Variants in ANXA10 observed in about 807,000 individuals in gnomAD.
ANXA10 encodes annexin 14.
Under a neutral mutation model 53.5 loss-of-function variants are expected in ANXA10, and 49 were observed. The ratio of observed to expected loss-of-function variants is 0.92; its 90% CI spans 0.73 to 1.16. The LOEUF (loss-of-function observed/expected upper bound fraction) is 1.16, where lower values mean the gene tolerates loss of function less well. Among genes scored for constraint, ANXA10 ranks in the 50% most tolerant of loss-of-function variants. The pLI, the probability that ANXA10 is intolerant of heterozygous loss-of-function variation, is 0.00. For missense variants in ANXA10, 393 were observed against 394.4 expected (o/e 1.00, Z 0.03); for synonymous variants, 131 against 128.9 (o/e 1.02, Z -0.11).
chr4:168,180,999 T>C (rs1431992137), intron 9 of ANXA10, among the ~76,000 whole-genome samples: 1 of 152,140 alleles, frequency 6.6e-6, no homozygotes. Flanking sequence ...TTACTAAAAA[T>C]AGCATTCAAA....
chr4:168,165,389 C>CAAAAAAAAA (rs33925175), intron 6 of ANXA10, 63 bp downstream of exon 6: 1 of 378,318 alleles, frequency 2.6e-6, no homozygotes, highest in Admixed American at 5.6e-5. Flanking sequence ...ATGTCATTGC[C>CAAAAAAAAA]AAAAAAAAAA....
chr4:168,162,576 G>C lies in ANXA10; in HGVS notation c.244G>C (p.Val82Leu), dbSNP rs770153355. The C allele has an allele frequency of 7.4e-6, 12 of 1,613,960 alleles. No individual in the cohort carries two copies. Among genetic ancestry groups the C allele is most frequent in the Non-Finnish European group, 9.3e-6 (11 of 1,179,902 alleles). ...REQLSDHFKD[V>L]MAGLMYPPPL... ...GCAGCTTTCGGATCACTTCAAAGAT[G>C]TGATGGCTGGCCTCATGTACCCACC... Residue 82 changes from valine (V) to leucine (L), a missense_variant, in exon 4 of 12, where the codon GTG becomes CTG. Physicochemically the swap from Val to Leu is conservative, Grantham distance 32. Transcript: ENST00000359299.
chr4:168,126,956 A>G (rs1731079311), intron 1 of ANXA10, among the ~76,000 whole-genome samples: 1 of 152,094 alleles, frequency 6.6e-6, no homozygotes, highest in African/African-American at 2.4e-5. Flanking sequence ...TAGTATATTT[A>G]TATTCATTTA....
chr4:168,129,336 C>G (rs1214187998), intron 2 of ANXA10, among the ~76,000 whole-genome samples: 2 of 152,150 alleles, frequency 1.3e-5, no homozygotes, highest in African/African-American at 4.8e-5. Context: ...CAAGTTAACA[C>G]AAAGTTATGA....
intron 3 of ANXA10, among the ~76,000 whole-genome samples, chr4:168,155,842 T>TG (rs1731632365): frequency 2.3e-4 from 1 of 4,332 alleles, no homozygotes; most frequent in East Asian, 9.1e-3. Context: ...ATATCATATA[T>TG]AATATAATAT....
At chr4:168,175,869 T>A (rs967939665) in intron 6 of ANXA10, among the ~76,000 whole-genome samples, 15 of 152,234 alleles carry the variant, frequency 9.9e-5, no homozygotes, top group African/African-American at 3.6e-4. Context: ...CTTACTTATT[T>A]CTTTGTGAAT....
rs1731415465 is a variant in ANXA10 at position 168,146,899 on chromosome 4, T to C, written c.195+7319T>C. ...TCAGAGCTATAATAGCCTTGATTTC[T>C]GCCCATGGGGCAATAATCATTCTTT... On this transcript the variant is annotated intron_variant, in intron 3 of 11. Coordinates refer to ENST00000359299, the MANE Select transcript of ANXA10 (RefSeq NM_007193.5). Among the ~76,000 whole-genome samples, 2 of 152,252 alleles carry C rather than the reference T, an allele frequency of 1.3e-5. 1 individual carries two copies. Among genetic ancestry groups the C allele is most frequent in the South Asian group, 4.1e-4 (2 of 4,838 alleles).
rs567458451 is a variant in ANXA10 at position 168,143,366 on chromosome 4, G to A, written c.195+3786G>A. On this transcript the variant is annotated intron_variant, in intron 3 of 11. Transcript: ENST00000359299. ...TGACAGAATCATTTTCTTAGCTGCT[G>A]AGTGAAGTACAATTCTCAGCAGGCT... 3.3e-5 allele frequency among the ~76,000 whole-genome samples: 5 copies of A among 152,326 alleles called. No homozygotes were observed. The South Asian group carries it at 1.0e-3, about 32-fold the overall frequency.
At position 168,181,661 on chromosome 4, in the gene ANXA10, TTC is replaced by T; in HGVS notation, c.725-14_725-13del. Reference sequence around the variant, plus strand: ...ATGTTTTCACTCTCAATGTTTCTTCTTCTCTCTCTGATTTCTCCTAGTTCTCT... The same window carrying T: ...ATGTTTTCACTCTCAATGTTTCTTCTTCTCTCTGATTTCTCCTAGTTCTCT... On this transcript the variant is annotated intron_variant, in intron 9 of 11. Coordinates refer to ENST00000359299, the MANE Select transcript of ANXA10 (RefSeq NM_007193.5). The T allele has an allele frequency of 1.3e-6, 2 of 1,582,150 alleles. No homozygotes were observed. Among genetic ancestry groups the T allele is most frequent in the Non-Finnish European group, 1.7e-6 (2 of 1,153,886 alleles).
At chr4:168,174,618 A>G (rs1732082518) in intron 6 of ANXA10, among the ~76,000 whole-genome samples, 1 of 152,242 alleles carries the variant, frequency 6.6e-6, no homozygotes, top group African/African-American at 2.4e-5. Flanking sequence ...TGCCAGCCAC[A>G]GAGGTCTCCA....
chr4:168,137,032 T>A (rs1731249618), intron 2 of ANXA10, among the ~76,000 whole-genome samples: 3 of 152,204 alleles, frequency 2.0e-5, no homozygotes, highest in Admixed American at 2.0e-4. Flanking sequence ...AGCAGCAGCC[T>A]GGGATATATC....
chr4:168,110,105 A>T (rs1730780507), intron 1 of ANXA10, among the ~76,000 whole-genome samples: 1 of 152,098 alleles, frequency 6.6e-6, no homozygotes, highest in African/African-American at 2.4e-5. Context: ...CAGCTACTCA[A>T]GAGGCTGAGG....
chr4:168,102,238 G>A (rs1027922165), intron 1 of ANXA10, among the ~76,000 whole-genome samples: 3 of 151,942 alleles, frequency 2.0e-5, no homozygotes, highest in Admixed American at 2.0e-4. Context: ...ATTTTCTGTT[G>A]GGTTTTCCAT....
At chr4:168,142,000 C>T (rs754098608) in intron 3 of ANXA10, among the ~76,000 whole-genome samples, 1 of 152,082 alleles carries the variant, frequency 6.6e-6, no homozygotes, top group Non-Finnish European at 1.5e-5. Context: ...CCAGTAAGGT[C>T]GTACAGCAGT....
At chr4:168,170,799 TA>T (rs1731969799) in intron 6 of ANXA10, among the ~76,000 whole-genome samples, 1 of 152,042 alleles carries the variant, frequency 6.6e-6, no homozygotes, top group South Asian at 2.1e-4. Context: ...AAATATAAAA[TA>T]CACAAAAATA....
intron 2 of ANXA10, among the ~76,000 whole-genome samples, chr4:168,131,083 A>G (rs1560966930): frequency 6.6e-6 from 1 of 151,890 alleles, no homozygotes; most frequent in African/African-American, 2.4e-5. Context: ...GCAAGCTTAG[A>G]TTCTTGATTT....
intron 3 of ANXA10, among the ~76,000 whole-genome samples, chr4:168,141,298 C>T (rs541444985): frequency 1.3e-5 from 2 of 152,302 alleles, no homozygotes; most frequent in African/African-American, 4.8e-5. Flanking sequence ...AATCAATTAG[C>T]AAGTTCTGTA....
intron 3 of ANXA10, among the ~76,000 whole-genome samples, chr4:168,160,223 G>A (rs554331444): frequency 2.0e-4 from 31 of 151,632 alleles, no homozygotes; most frequent in South Asian, 1.5e-3. Context: ...GCTTGCCCCC[G>A]CCCCCAACAG....
At chr4:168,168,871 G>A (rs1361945285) in intron 6 of ANXA10, among the ~76,000 whole-genome samples, 3 of 152,148 alleles carry the variant, frequency 2.0e-5, no homozygotes, top group African/African-American at 7.2e-5. Flanking sequence ...TAAAAGGGAA[G>A]CATATATAAA....
Sources: gnomAD v4.1 joint callset for allele counts (sites outside exome capture counted in the v4.1 genomes callset) on GRCh38, gnomAD v4.1.1 for gene constraint, MANE v1.5 for transcripts, NCBI Gene and HGNC (gene_info 2026-07-23, HGNC 2026-07-21) for gene names.